Variants in ZFHX3 observed in about 807,000 individuals in gnomAD.
The protein encoded by ZFHX3 is zinc finger homeobox 3, also known as zinc finger homeobox protein 3.
Under a neutral mutation model 279.1 loss-of-function variants are expected in ZFHX3, and 42 were observed. The ratio of observed to expected loss-of-function variants is 0.15; its 90% confidence interval spans 0.12 to 0.19. The LOEUF is 0.19. Ranked by LOEUF, ZFHX3 falls within the 10% of genes least tolerant of loss-of-function variation. The pLI, the probability that ZFHX3 is intolerant of heterozygous loss-of-function variation, is 1.00. For synonymous variants in ZFHX3, 2,293 were observed against 1,957.8 expected (o/e 1.17, Z -4.52); for missense variants, 4,981 against 4,754.0 (o/e 1.05, Z -1.40).
chr16:73,019,343 C>CATGTGTGTGTGTGTGTGTGTGT, intron 1 of ZFHX3, among the ~76,000 whole-genome samples: 1 of 150,170 alleles, frequency 6.7e-6, no homozygotes, highest in African/African-American at 2.4e-5. Context: ...TGTGTCTGTG[C>CATGTGTGTGTGTGTGTGTGTGT]GTGTGTGTGT....
intron 1 of ZFHX3, among the ~76,000 whole-genome samples, chr16:73,726,536 G>A (rs2053520494): frequency 6.6e-6 from 1 of 152,134 alleles, no homozygotes; most frequent in South Asian, 2.1e-4. Flanking sequence ...ATAAATACCT[G>A]AGAATGAGTA....
At chr16:73,686,669 G>T (rs1452149161) in intron 1 of ZFHX3, among the ~76,000 whole-genome samples, 1 of 152,088 alleles carries the variant, frequency 6.6e-6, no homozygotes, top group Non-Finnish European at 1.5e-5. Context: ...TCTGGTAAGG[G>T]TGGGCTCCAG....
At chr16:73,410,219 C>A (rs754507718) in intron 3 of ZFHX3, among the ~76,000 whole-genome samples, 1 of 152,074 alleles carries the variant, frequency 6.6e-6, no homozygotes, top group South Asian at 2.1e-4. Flanking sequence ...AGTTTGAGAC[C>A]AGTCTGACCA....
At chr16:72,840,070 CCTT>C (rs1174919600) in intron 4 of ZFHX3, among the ~76,000 whole-genome samples, 1 of 151,982 alleles carries the variant, frequency 6.6e-6, no homozygotes, top group Admixed American at 6.5e-5. Context: ...ACTGGTATCT[CCTT>C]CTGAATCAAA....
At chr16:72,815,779 C>T (rs560986278) in intron 5 of ZFHX3, among the ~76,000 whole-genome samples, 9 of 152,330 alleles carry the variant, frequency 5.9e-5, no homozygotes, top group African/African-American at 1.9e-4. Flanking sequence ...AGAGACAAGA[C>T]ATAGTTTAGA....
intron 2 of ZFHX3, among the ~76,000 whole-genome samples, chr16:73,517,149 T>C (rs1157193946): frequency 6.6e-6 from 1 of 152,182 alleles, no homozygotes; most frequent in African/African-American, 2.4e-5. Context: ...GTTAAAGTGA[T>C]AACCTCCAAA....
At chr16:72,973,083 T>C (rs1962178728) in intron 1 of ZFHX3, among the ~76,000 whole-genome samples, 2 of 152,218 alleles carry the variant, frequency 1.3e-5, no homozygotes, top group African/African-American at 4.8e-5. Flanking sequence ...CATTCCTGAC[T>C]TGGCACTTGA....
intron 2 of ZFHX3, among the ~76,000 whole-genome samples, chr16:73,460,781 T>C (rs1164366154): frequency 6.6e-6 from 1 of 152,182 alleles, no homozygotes; most frequent in African/African-American, 2.4e-5. Context: ...CTCACAACAG[T>C]GAGTTCTCGT....
chr16:73,626,799 C>T (rs1031846092), intron 2 of ZFHX3, among the ~76,000 whole-genome samples: 3 of 152,314 alleles, frequency 2.0e-5, no homozygotes, highest in Admixed American at 6.5e-5. Context: ...ATATCTGGGG[C>T]TCTAAACCTT....
At chr16:73,633,073 C>T (rs1359747486) in intron 2 of ZFHX3, among the ~76,000 whole-genome samples, 3 of 152,044 alleles carry the variant, frequency 2.0e-5, no homozygotes, top group South Asian at 2.1e-4. Context: ...AGCGAGACTC[C>T]GTCTCAAAAA....
chr16:73,764,301 T>C (rs2053903623), intron 1 of ZFHX3, among the ~76,000 whole-genome samples: 1 of 152,180 alleles, frequency 6.6e-6, no homozygotes, highest in African/African-American at 2.4e-5. Context: ...ATCAGGTTTC[T>C]GCCTGTGATT....
At chr16:73,349,181 A>G (rs2143279799) in intron 3 of ZFHX3, among the ~76,000 whole-genome samples, 1 of 152,186 alleles carries the variant, frequency 6.6e-6, no homozygotes, top group Non-Finnish European at 1.5e-5. Flanking sequence ...GCCACAGCAA[A>G]GGTATCAAAC....
intron 4 of ZFHX3, among the ~76,000 whole-genome samples, chr16:73,306,756 T>C (rs887289894): frequency 2.6e-5 from 4 of 152,214 alleles, no homozygotes; most frequent in Non-Finnish European, 4.4e-5. Flanking sequence ...AGTGACAGGC[T>C]GCTAGACCCT....
chr16:73,536,762 C>G (rs950741783), intron 2 of ZFHX3, among the ~76,000 whole-genome samples: 1 of 152,084 alleles, frequency 6.6e-6, no homozygotes, highest in South Asian at 2.1e-4. Flanking sequence ...GCGTAGCCCA[C>G]GAGAGTCCGG....
intron 2 of ZFHX3, among the ~76,000 whole-genome samples, chr16:73,474,170 C>G (rs1482237937): frequency 1.3e-5 from 2 of 152,028 alleles, no homozygotes; most frequent in Non-Finnish European, 2.9e-5. Context: ...CAGAGTCTCG[C>G]TCTCTCTCAC....
rs1177602683 is a variant in ZFHX3 at position 72,859,976 on chromosome 16, G to A, written c.3448+29755C>T. On this transcript the variant is annotated intron_variant, in intron 4 of 9. Transcript: ENST00000268489. ...ATGAAAACAAGGAGAAGAGAAGCTT[G>A]TAAGGACACTATGCAGGCATCTCCG... 3.3e-5 allele frequency among the ~76,000 whole-genome samples: 5 copies of A among 152,198 alleles called. No individual in the cohort carries two copies. In the South Asian group the frequency reaches 1.0e-3, roughly 32 times the overall value.
intron 3 of ZFHX3, among the ~76,000 whole-genome samples, chr16:73,328,018 C>T (rs113673944): frequency 3.9e-5 from 6 of 152,230 alleles, no homozygotes; most frequent in African/African-American, 1.4e-4. Flanking sequence ...GGAACACCAG[C>T]CAGAATACTG....
At chr16:72,965,000 C>T (rs1336556125) in intron 1 of ZFHX3, among the ~76,000 whole-genome samples, 1 of 152,166 alleles carries the variant, frequency 6.6e-6, no homozygotes, top group Non-Finnish European at 1.5e-5. Context: ...GCCTCACCCT[C>T]CTGAGTAGCT....
chr16:73,394,686 T>C (rs1266800268), intron 3 of ZFHX3, among the ~76,000 whole-genome samples: 1 of 152,198 alleles, frequency 6.6e-6, no homozygotes. Context: ...CTACTGAAAT[T>C]ATAAAAACTG....
Sources: allele counts gnomAD v4.1 joint callset (sites outside exome capture counted in the v4.1 genomes callset), GRCh38; gene constraint gnomAD v4.1.1; transcripts MANE v1.5; gene names NCBI Gene and HGNC (gene_info 2026-07-23, HGNC 2026-07-21).